ZBP1: variants seen among roughly 807,000 people sequenced by gnomAD.
ZBP1 encodes the protein Z-DNA-binding protein 1.
A neutral mutation model predicts 41.1 loss-of-function variants in ZBP1; 42 were observed. The ratio of observed to expected loss-of-function variants is 1.02; its 90% CI spans 0.80 to 1.32. The LOEUF is 1.32. Ranked by LOEUF, ZBP1 falls within the 40% of genes most tolerant of loss-of-function variation. ZBP1 has a pLI of 0.00. For synonymous variants in ZBP1, 214 were observed against 205.2 expected, an observed-to-expected ratio of 1.04 and a Z score of -0.37; for missense variants, 562 against 549.7, an observed-to-expected ratio of 1.02 and a Z score of -0.22.
chr20:57,611,590 A>T, intron 6 of ZBP1, 137 bp downstream of exon 6: 2 of 1,000,628 alleles, frequency 2.0e-6, no homozygotes, highest in Non-Finnish European at 2.9e-6. Context: ...CACCTGCTCT[A>T]CTCTGGTTCA....
In ZBP1 at chr20:57,615,566, G is replaced by T. The variant is rs942626723; in HGVS notation, c.274C>A (p.Gln92Lys). The change falls in exon 3 of 8, where the codon CAA becomes AAA. Residue 92 changes from glutamine (Q) to lysine (K), a missense_variant. Coordinates refer to ENST00000371173, the MANE Select transcript of ZBP1 (RefSeq NM_030776.3). ...GTCTCTGGAATTGTAGCTGCATGTTGCTGGGGCCTCTCGGCTGCAGAAAGA... is the reference window on the plus strand; with the variant it reads ...GTCTCTGGAATTGTAGCTGCATGTTTCTGGGGCCTCTCGGCTGCAGAAAGA... ...ALSSPAERPQ[Q>K]HAATIPETPG... 11 of 1,613,184 alleles carry T rather than the reference G, an allele frequency of 6.8e-6. No individual in the cohort carries two copies. The highest frequency in any genetic ancestry group is 7.6e-6 in the Non-Finnish European group (9 of 1,179,694).
chr20:57,609,014 T>C (rs1230929969), intron 7 of ZBP1, among the ~76,000 whole-genome samples: 2 of 152,330 alleles, frequency 1.3e-5, no homozygotes, highest in East Asian at 3.9e-4. Flanking sequence ...CCAGCCCCTC[T>C]CCTGCTCAAA....
rs1442849334 is a variant in ZBP1, at chr20:57,613,711, C to T, written c.503-381G>A. Among the ~76,000 whole-genome samples, 5 of 152,240 alleles carry T rather than the reference C, an allele frequency of 3.3e-5. No individual in the cohort carries two copies. The highest frequency in any genetic ancestry group is 7.3e-5 in the Non-Finnish European group (5 of 68,046). On this transcript the variant is annotated intron_variant, in intron 4 of 7. Coordinates refer to ENST00000371173, the MANE Select transcript of ZBP1 (RefSeq NM_030776.3). The surrounding 1 kb of genome is among the most constrained non-coding windows in gnomAD (Gnocchi z 4.5). ...TTGAGTAATGGCCGAGAAACAGCAG[C>T]CCATTGGGCCAGATCGGTCGTGTTT... is the stretch of plus-strand genomic sequence containing the variant.
At chr20:57,608,271 G>A (rs185250599) in intron 7 of ZBP1, among the ~76,000 whole-genome samples, 9 of 152,180 alleles carry the variant, frequency 5.9e-5, no homozygotes, top group Admixed American at 3.9e-4. Context: ...ACATGTGCCC[G>A]CCACCATGCC....
chr20:57,611,411 A>ATTGTTTTTTTTTTTTT (rs2070664698), intron 6 of ZBP1, among the ~76,000 whole-genome samples: 1 of 95,142 alleles, frequency 1.1e-5, no homozygotes, highest in East Asian at 3.4e-4. Flanking sequence ...TGCCCGGTTA[A>ATTGTTTTTTTTTTTTT]TTTTTTTTTT....
At position 57,613,629 on chromosome 20, in the gene ZBP1, C is replaced by T. The variant is rs1568934776; in HGVS notation, c.503-299G>A. On this transcript the variant is annotated intron_variant, in intron 4 of 7. Coordinates refer to ENST00000371173, the MANE Select transcript of ZBP1 (RefSeq NM_030776.3). This position sits in a 1 kb window ranked among gnomAD's most constrained non-coding sequence, Gnocchi z 4.5. ...GACCGCAGGGGCCCCACACTGCTCT[C>T]CCTAGGGGGCAGCCACAGCCCGGAC... Among the ~76,000 whole-genome samples the T allele has an allele frequency of 1.3e-5, 2 of 152,222 alleles. No individual in the cohort carries two copies. The highest frequency in any genetic ancestry group is 4.1e-4 in the South Asian group (2 of 4,830).
intron 4 of ZBP1, among the ~76,000 whole-genome samples, chr20:57,614,145 T>C (rs769532160): frequency 5.9e-5 from 9 of 152,200 alleles, no homozygotes; most frequent in Non-Finnish European, 1.2e-4. Flanking sequence ...AGCTATTCTC[T>C]TACCTCAGCC....
intron 7 of ZBP1, among the ~76,000 whole-genome samples, chr20:57,609,219 G>A (rs1474105107): frequency 6.6e-6 from 1 of 152,166 alleles, no homozygotes; most frequent in African/African-American, 2.4e-5. Context: ...GCGTGGACCT[G>A]CCCAACTCTC....
chr20:57,606,166 T>C (rs1253910026), intron 7 of ZBP1, among the ~76,000 whole-genome samples: 1 of 152,206 alleles, frequency 6.6e-6, no homozygotes, highest in African/African-American at 2.4e-5. Flanking sequence ...AGCAAACACA[T>C]GAGTGATGAG....
chr20:57,604,858 A>G, intron 7 of ZBP1, 89 bp from the exon 8 acceptor site: 1 of 1,270,890 alleles, frequency 7.9e-7, no homozygotes, highest in Non-Finnish European at 1.1e-6. Context: ...TTTCGAGCTC[A>G]GCTTGAGCCT....
intron 7 of ZBP1, among the ~76,000 whole-genome samples, chr20:57,609,690 C>T (rs2070596130): frequency 6.6e-6 from 1 of 152,104 alleles, no homozygotes; most frequent in African/African-American, 2.4e-5. Context: ...GTGGCATCTC[C>T]ACTGCAGCAG....
chr20:57,607,545 G>C (rs2070527895), intron 7 of ZBP1, among the ~76,000 whole-genome samples: 1 of 152,232 alleles, frequency 6.6e-6, no homozygotes, highest in Admixed American at 6.5e-5. Context: ...CAGGGTTGGG[G>C]AGTCTTGGTT....
intron 7 of ZBP1, among the ~76,000 whole-genome samples, chr20:57,606,290 C>A (rs113969194): frequency 2.2e-4 from 33 of 152,354 alleles, no homozygotes; most frequent in African/African-American, 7.7e-4. Flanking sequence ...AAGGCCCTTG[C>A]TCTATTCAAT....
At chr20:57,612,056 T>G in intron 5 of ZBP1, 126 bp from the exon 6 acceptor site, 1 of 1,064,238 alleles carries the variant, frequency 9.4e-7, no homozygotes, top group Non-Finnish European at 1.3e-6. Flanking sequence ...GCCAAAGACT[T>G]CAGGCTCTGG....
Position 57,610,223 on chromosome 20 carries a change from AT to A in ZBP1, c.1018del (p.Met340CysfsTer60), listed in dbSNP as rs1293453885. ...GCCAGCCACCCCTGGGCTGATAGAC[AT>A]TTTGTTGCTGTTGCCGATGGTGGCG... ...EDATIGNSNK[M>X]SISPGVAGPG... On this transcript the variant is annotated frameshift_variant, in exon 7 of 8. Transcript: ENST00000371173. LOFTEE classifies it high-confidence loss of function. This position sits in a 1 kb window ranked among gnomAD's most constrained non-coding sequence, Gnocchi z 5.5. The A allele has an allele frequency of 1.9e-6, 3 of 1,614,034 alleles. No individual in the cohort carries two copies. The highest frequency in any genetic ancestry group is 1.7e-5 in the Admixed American group (1 of 60,020).
intron 2 of ZBP1, 62 bp from the exon 3 acceptor site, chr20:57,615,642 C>G (rs560510102): frequency 2.0e-6 from 3 of 1,487,694 alleles, no homozygotes; most frequent in Admixed American, 2.0e-5. Context: ...GCCTCCACCC[C>G]ACAAAGGTGG....
intron 2 of ZBP1, 108 bp downstream of exon 2, chr20:57,616,136 G>C: frequency 2.0e-6 from 2 of 1,004,656 alleles, no homozygotes; most frequent in Non-Finnish European, 3.0e-6. Context: ...AAACCTGTGA[G>C]CTCCCATGTG....
Position 57,610,167 on chromosome 20 carries a change from C to A in ZBP1, c.1075G>T (p.Glu359Ter), listed in dbSNP as rs374417828. 1.2e-6 allele frequency: 2 copies of A among 1,613,826 alleles called. No individual in the cohort carries two copies. Among genetic ancestry groups the A allele is most frequent in the East Asian group, 2.2e-5 (1 of 44,894 alleles). Residue 359 changes from glutamate to a stop codon, truncating the protein, a stop_gained, in exon 7 of 8, where the codon GAG becomes TAG. Coordinates refer to ENST00000371173, the MANE Select transcript of ZBP1 (RefSeq NM_030776.3). LOFTEE classifies it low-confidence loss of function (END_TRUNC). The surrounding 1 kb of genome is among the most constrained non-coding windows in gnomAD (Gnocchi z 5.5). ...AGCTCACCTGCGTCCTCCCCTGGCT[C>A]CCCCTCTCCAGACCCTGCGACTCCT... ...PGGVAGSGEG[E>*]PGEDAGRRPA...
intron 7 of ZBP1, chr20:57,607,181 A>G: frequency 7.7e-7 from 1 of 1,304,204 alleles, no homozygotes; most frequent in Non-Finnish European, 1.0e-6. Flanking sequence ...CATGCCGTTA[A>G]GAACATTTGT....
Sources: allele counts gnomAD v4.1 joint callset (sites outside exome capture counted in the v4.1 genomes callset), GRCh38; gene constraint gnomAD v4.1.1; non-coding constraint Gnocchi (gnomAD v3.1); transcripts MANE v1.5; gene names NCBI Gene and HGNC (gene_info 2026-07-23, HGNC 2026-07-21).